The following CYYR1 variants were observed in gnomAD, a reference collection of about 807,000 sequenced individuals.
The protein encoded by CYYR1 is cysteine and tyrosine rich 1, also known as cysteine and tyrosine-rich protein 1.
Under a neutral mutation model 15.2 loss-of-function variants are expected in CYYR1, and 14 were observed. The observed-to-expected ratio is 0.92, with a 90% CI of 0.61 to 1.44. The LOEUF (loss-of-function observed/expected upper bound fraction) is 1.44, where lower values mean the gene tolerates loss of function less well. Ranked by LOEUF, CYYR1 falls within the 40% of genes most tolerant of loss-of-function variation. CYYR1 has a pLI of 0.00. For synonymous variants in CYYR1, 80 were observed against 77.4 expected (o/e 1.03, Z -0.18); for missense variants, 228 against 209.5 (o/e 1.09, Z -0.54).
intron 2 of CYYR1, among the ~76,000 whole-genome samples, chr21:26,561,625 G>T (rs1373896098): frequency 2.6e-5 from 4 of 151,746 alleles, no homozygotes; most frequent in African/African-American, 7.3e-5. Flanking sequence ...CTCCCTCTTG[G>T]TTTTTTTTCC....
chr21:26,466,722 G>T lies in CYYR1; in HGVS notation c.*1779C>A, dbSNP rs2064971838. The T allele has an allele frequency of 6.6e-6, 1 of 152,138 alleles. No individual in the cohort carries two copies. The highest frequency in any genetic ancestry group is 1.5e-5 in the Non-Finnish European group (1 of 68,024). 9.4% of individuals were successfully genotyped at this position (152,138 alleles called of 1,614,324 possible). ...TCTTAGCCACAGTGTAATTGGGTCT[G>T]ACCACACGCAGAAGAAAAATAAATT... On this transcript the variant is annotated 3_prime_UTR_variant, in exon 4 of 4. Transcript: ENST00000652641.
chr21:26,525,381 C>A (rs1451571999), intron 2 of CYYR1, among the ~76,000 whole-genome samples: 1 of 152,086 alleles, frequency 6.6e-6, no homozygotes, highest in African/African-American at 2.4e-5. Flanking sequence ...CTGACCTCAG[C>A]CCCATAATAG....
At chr21:26,570,064 C>G (rs1980910874) in intron 1 of CYYR1, among the ~76,000 whole-genome samples, 1 of 152,136 alleles carries the variant, frequency 6.6e-6, no homozygotes, top group East Asian at 1.9e-4. Context: ...CACTTCAAAG[C>G]CTTTTTTATG....
At chr21:26,508,999 A>T (rs935861570) in intron 2 of CYYR1, among the ~76,000 whole-genome samples, 1 of 152,212 alleles carries the variant, frequency 6.6e-6, no homozygotes, top group Non-Finnish European at 1.5e-5. Flanking sequence ...TAACTGTTCA[A>T]TGCCATAAAT....
chr21:26,570,201 T>C (rs1980919592), intron 1 of CYYR1, among the ~76,000 whole-genome samples: 1 of 152,190 alleles, frequency 6.6e-6, no homozygotes, highest in Non-Finnish European at 1.5e-5. Context: ...TAAATAATAT[T>C]ACTTCTAATG....
At chr21:26,492,313 C>T (rs925229402) in intron 2 of CYYR1, among the ~76,000 whole-genome samples, 6 of 152,326 alleles carry the variant, frequency 3.9e-5, no homozygotes, top group African/African-American at 1.2e-4. Flanking sequence ...TATCAATTCA[C>T]ATGGCCAAGG....
intron 2 of CYYR1, among the ~76,000 whole-genome samples, chr21:26,564,174 C>T (rs568669344): frequency 6.6e-6 from 1 of 151,460 alleles, no homozygotes; most frequent in Non-Finnish European, 1.5e-5. Context: ...CATCGCCGAC[C>T]ACCCATTAAA....
intron 2 of CYYR1, among the ~76,000 whole-genome samples, chr21:26,538,638 A>C (rs1250366235): frequency 6.6e-6 from 1 of 152,036 alleles, no homozygotes; most frequent in Non-Finnish European, 1.5e-5. Flanking sequence ...TTTAGCTGTC[A>C]TATATAAAAG....
At position 26,504,224 on chromosome 21, in the gene CYYR1, G is replaced by GTATTTATTTATT. The variant is rs59992346; in HGVS notation, c.177-23807_177-23796dup. ...ATTATTTTATTTTACTCTTTGTGAT[G>GTATTTATTTATT]TATTTATTTATTTATTTATTTATTT... On this transcript the variant is annotated intron_variant, in intron 2 of 3. Coordinates refer to ENST00000652641, the MANE Select transcript of CYYR1 (RefSeq NM_001320768.2). Among the ~76,000 whole-genome samples the GTATTTATTTATT allele has an allele frequency of 8.7e-3, 1,303 of 150,560 alleles. 4 individuals carry two copies. Among genetic ancestry groups the GTATTTATTTATT allele is most frequent in the African/African-American group, 0.015 (635 of 41,020 alleles).
Position 26,526,890 on chromosome 21 carries a change from A to G in CYYR1, c.176+39376T>C, listed in dbSNP as rs377692765. Among the ~76,000 whole-genome samples, 7 of 152,326 alleles carry G rather than the reference A, an allele frequency of 4.6e-5. No individual in the cohort carries two copies. The East Asian group carries it at 9.6e-4, about 21-fold the overall frequency. On this transcript the variant is annotated intron_variant, in intron 2 of 3. Coordinates refer to ENST00000652641, the MANE Select transcript of CYYR1 (RefSeq NM_001320768.2). ...AAATAAGGAAGGTGCAAGCATTTAA[A>G]CATTTGAGAACCCTACTTGGGAGCA...
intron 2 of CYYR1, among the ~76,000 whole-genome samples, chr21:26,513,042 T>C (rs1361924955): frequency 2.0e-5 from 3 of 152,232 alleles, no homozygotes; most frequent in African/African-American, 7.2e-5. Flanking sequence ...TACCTACCTC[T>C]GTGTCTTTGT....
At chr21:26,553,760 C>T (rs2123692597) in intron 2 of CYYR1, among the ~76,000 whole-genome samples, 1 of 152,298 alleles carries the variant, frequency 6.6e-6, no homozygotes, top group Non-Finnish European at 1.5e-5. Context: ...CTTCATCTTA[C>T]TCAGAACTGG....
Position 26,566,371 on chromosome 21 carries a change from ACAAAAC to A in CYYR1, c.74-9_74-4del. On this transcript the variant is annotated splice_polypyrimidine_tract_variant and splice_region_variant and intron_variant, in intron 1 of 3. Coordinates refer to ENST00000652641, the MANE Select transcript of CYYR1 (RefSeq NM_001320768.2). ...GCCACACTGAGCAAGGCAATCATCT[ACAAAAC>A]AAAAACCACTTGTGAGCAGTTATAG... 1 of 1,610,450 alleles carries A rather than the reference ACAAAAC, an allele frequency of 6.2e-7. No individual in the cohort carries two copies. Among genetic ancestry groups the A allele is most frequent in the Admixed American group, 1.7e-5 (1 of 59,912 alleles).
At position 26,481,326 on chromosome 21, in the gene CYYR1, G is replaced by A. The variant is rs969922043; in HGVS notation, c.177-897C>T. On this transcript the variant is annotated intron_variant, in intron 2 of 3. Transcript: ENST00000652641. ...CAGTGTTGTGGCTAATAGCAAAATA[G>A]GAGAAACATCCTAATGTCCATAAAA... 8.6e-5 allele frequency among the ~76,000 whole-genome samples: 13 copies of A among 152,022 alleles called. No individual in the cohort carries two copies. In the East Asian group the frequency reaches 2.1e-3, roughly 25 times the overall value.
At chr21:26,492,514 G>T (rs2065342194) in intron 2 of CYYR1, among the ~76,000 whole-genome samples, 1 of 152,148 alleles carries the variant, frequency 6.6e-6, no homozygotes. Flanking sequence ...TTGAATTCTA[G>T]GTTCAAGTTT....
At chr21:26,530,411 TTTTAAA>T (rs1398517753) in intron 2 of CYYR1, among the ~76,000 whole-genome samples, 1 of 152,076 alleles carries the variant, frequency 6.6e-6, no homozygotes, top group African/African-American at 2.4e-5. Flanking sequence ...TAGGATTTTG[TTTTAAA>T]TTTAGCCTTA....
chr21:26,504,355 C>T (rs1279407912), intron 2 of CYYR1, among the ~76,000 whole-genome samples: 4 of 152,068 alleles, frequency 2.6e-5, no homozygotes, highest in African/African-American at 9.7e-5. Flanking sequence ...ACTGCAACCT[C>T]TGCCTCCCGG....
chr21:26,493,289 A>G (rs1005617772), intron 2 of CYYR1, among the ~76,000 whole-genome samples: 1 of 152,190 alleles, frequency 6.6e-6, no homozygotes, highest in Non-Finnish European at 1.5e-5. Context: ...AATGGTCTAA[A>G]CATGGATACG....
At chr21:26,497,068 T>G (rs2065414703) in intron 2 of CYYR1, among the ~76,000 whole-genome samples, 1 of 152,148 alleles carries the variant, frequency 6.6e-6, no homozygotes, top group Non-Finnish European at 1.5e-5. Context: ...AACACACAAC[T>G]TTGCTATACC....
Sources: allele counts gnomAD v4.1 joint callset (sites outside exome capture counted in the v4.1 genomes callset), GRCh38; gene constraint gnomAD v4.1.1; transcripts MANE v1.5; gene names NCBI Gene and HGNC (gene_info 2026-07-23, HGNC 2026-07-21).